NAF1: variants seen among roughly 807,000 people sequenced by gnomAD.
NAF1 encodes the protein nuclear assembly factor 1 ribonucleoprotein.
A neutral mutation model predicts 40.6 loss-of-function variants in NAF1; 11 were observed. The ratio of observed to expected loss-of-function variants is 0.27; its 90% CI spans 0.17 to 0.45. The LOEUF is 0.45. Among genes scored for constraint, NAF1 ranks in the 20% least tolerant of loss-of-function variants. The probability of loss-of-function intolerance (pLI) is 1.00; values close to 1 mark genes in which losing one functional copy is unlikely to be tolerated. For synonymous variants in NAF1, 260 were observed against 228.5 expected (o/e 1.14, Z -1.24); for missense variants, 607 against 611.1 (o/e 0.99, Z 0.07).
At chr4:163,109,179 C>T (rs1189943519), downstream of NAF1, among the ~76,000 whole-genome samples, 1 of 136,762 alleles carries the variant, frequency 7.3e-6, no homozygotes, top group African/African-American at 2.7e-5. Flanking sequence ...TTTTTTTTCA[C>T]ATGGAAACTT....
chr4:163,121,640 G>A (rs893102302), intron 2 of NAF1, among the ~76,000 whole-genome samples: 1 of 152,056 alleles, frequency 6.6e-6, no homozygotes, highest in African/African-American at 2.4e-5. Flanking sequence ...AATGCATATT[G>A]TGTGAACATG....
downstream of NAF1, among the ~76,000 whole-genome samples, chr4:163,125,191 T>C (rs1198327076): frequency 6.6e-6 from 1 of 152,188 alleles, no homozygotes; most frequent in East Asian, 1.9e-4. Flanking sequence ...AACCAATCAC[T>C]AGCCGTATAA....
At chr4:163,124,406 G>A (rs955843941), downstream of NAF1, among the ~76,000 whole-genome samples, 1 of 148,178 alleles carries the variant, frequency 6.7e-6, no homozygotes, top group Non-Finnish European at 1.5e-5. Flanking sequence ...CTTTTATAAG[G>A]CACTAATCCA....
chr4:163,140,202 A>T, intron 5 of NAF1, 21 bp downstream of exon 5: 1 of 1,556,916 alleles, frequency 6.4e-7, no homozygotes, highest in Non-Finnish European at 8.6e-7. Flanking sequence ...GTGAAGAACA[A>T]CATGCCGGTA....
At position 163,153,221 on chromosome 4, in the gene NAF1, G is replaced by A. The variant is rs531082923; in HGVS notation, c.541-4787C>T. Among the ~76,000 whole-genome samples, 40 of 152,332 alleles carry A rather than the reference G, an allele frequency of 2.6e-4. 1 individual carries two copies. The highest frequency in any genetic ancestry group is 9.4e-4 in the African/African-American group (39 of 41,588). ...GAGTCCCATCGACCACCCAAGGGCT[G>A]AGGAGTACGAGCGCATGGCGTGGGA... On this transcript the variant is annotated intron_variant, in intron 2 of 7. Transcript: ENST00000274054.
intron 2 of NAF1, among the ~76,000 whole-genome samples, chr4:163,116,037 A>G (rs1015560346): frequency 1.3e-5 from 2 of 152,248 alleles, no homozygotes; most frequent in African/African-American, 4.8e-5. Context: ...GATGCAACAG[A>G]TGCATTCAAT....
intron 2 of NAF1, among the ~76,000 whole-genome samples, chr4:163,115,489 C>A (rs932405259): frequency 3.3e-5 from 5 of 152,182 alleles, no homozygotes; most frequent in African/African-American, 1.2e-4. Flanking sequence ...AGCCACCACA[C>A]CCAGCCAGGA....
chr4:163,150,382 A>C (rs558572230), intron 2 of NAF1, among the ~76,000 whole-genome samples: 28 of 152,274 alleles, frequency 1.8e-4, no homozygotes, highest in African/African-American at 6.5e-4. Flanking sequence ...ATAGACAGCT[A>C]ATGTTAACAT....
At chr4:163,131,173 A>G (rs962888037) in intron 7 of NAF1, among the ~76,000 whole-genome samples, 2 of 152,214 alleles carry the variant, frequency 1.3e-5, no homozygotes, top group Non-Finnish European at 2.9e-5. Flanking sequence ...CGCTCGGCCA[A>G]TAATGACTTT....
chr4:163,141,610 A>G (rs1490902272), intron 4 of NAF1, among the ~76,000 whole-genome samples: 2 of 152,198 alleles, frequency 1.3e-5, no homozygotes, highest in Non-Finnish European at 2.9e-5. Flanking sequence ...GGCAGCTTCC[A>G]ATTTGTTCAA....
At chr4:163,128,284 C>T (rs966182074), downstream of NAF1, among the ~76,000 whole-genome samples, 1 of 151,960 alleles carries the variant, frequency 6.6e-6, no homozygotes, top group African/African-American at 2.4e-5. Flanking sequence ...GAACAGTGCC[C>T]AAATAAAGGA....
downstream of NAF1, among the ~76,000 whole-genome samples, chr4:163,109,336 A>G (rs1730102094): frequency 6.6e-6 from 1 of 152,076 alleles, no homozygotes; most frequent in African/African-American, 2.4e-5. Flanking sequence ...TTTATACCAT[A>G]AATTCTCTCA....
At chr4:163,106,552 A>T (rs115355930), downstream of NAF1, among the ~76,000 whole-genome samples, 2 of 150,536 alleles carry the variant, frequency 1.3e-5, no homozygotes, top group African/African-American at 4.9e-5. Flanking sequence ...TAAAGTGAAA[A>T]AGAACTACTG....
intron 7 of NAF1, among the ~76,000 whole-genome samples, chr4:163,130,809 C>G (rs1730841342): frequency 6.6e-6 from 1 of 152,180 alleles, no homozygotes; most frequent in Admixed American, 6.5e-5. Context: ...CCACAGACCT[C>G]AATGTAAAAT....
At chr4:163,117,773 A>G (rs1730394309) in intron 2 of NAF1, among the ~76,000 whole-genome samples, 1 of 151,692 alleles carries the variant, frequency 6.6e-6, no homozygotes, top group Admixed American at 6.6e-5. Flanking sequence ...GCACTCTGGT[A>G]TGTTTATGGA....
chr4:163,106,285 A>G (rs1425840855), downstream of NAF1, among the ~76,000 whole-genome samples: 1 of 152,216 alleles, frequency 6.6e-6, no homozygotes, highest in African/African-American at 2.4e-5. Flanking sequence ...AAGTATGCCA[A>G]ACATCCTCAG....
chr4:163,112,250 G>C (rs1051923655), intron 2 of NAF1, among the ~76,000 whole-genome samples: 1 of 152,076 alleles, frequency 6.6e-6, no homozygotes, highest in East Asian at 1.9e-4. Context: ...CAAATAAAGT[G>C]ATTAGCTTTA....
intron 7 of NAF1, among the ~76,000 whole-genome samples, chr4:163,131,288 T>C (rs1348415889): frequency 6.6e-6 from 1 of 152,150 alleles, no homozygotes; most frequent in Admixed American, 6.6e-5. Flanking sequence ...CCACGAAAGA[T>C]ACTATCAGGA....
At chr4:163,159,156 C>T (rs1732115721) in intron 2 of NAF1, among the ~76,000 whole-genome samples, 1 of 151,978 alleles carries the variant, frequency 6.6e-6, no homozygotes, top group Non-Finnish European at 1.5e-5. Flanking sequence ...GGATACTCTA[C>T]TGAATAAAAC....
Sources: allele counts gnomAD v4.1 joint callset (sites outside exome capture counted in the v4.1 genomes callset), GRCh38; gene constraint gnomAD v4.1.1; transcripts MANE v1.5; gene names NCBI Gene and HGNC (gene_info 2026-07-23, HGNC 2026-07-21).